ACSM2A: variants seen among roughly 807,000 people sequenced by gnomAD.
The protein encoded by ACSM2A is acyl-coenzyme A synthetase ACSM2A, mitochondrial.
Under a neutral mutation model 76.6 loss-of-function variants are expected in ACSM2A, and 72 were observed. The observed-to-expected ratio is 0.94, with a 90% CI of 0.78 to 1.14. The LOEUF (loss-of-function observed/expected upper bound fraction) is 1.14. Among genes scored for constraint, ACSM2A ranks in the 50% most tolerant of loss-of-function variants. ACSM2A has a pLI of 0.00. For missense variants in ACSM2A, 684 were observed against 708.5 expected, an observed-to-expected ratio of 0.97 and a Z score of 0.39; for synonymous variants, 249 against 255.9, an observed-to-expected ratio of 0.97 and a Z score of 0.26.
In ACSM2A at chr16:20,458,933, CATATAT is replaced by C. The variant is rs1213129201; in HGVS notation, c.-8-1166_-8-1161del. Among the ~76,000 whole-genome samples, 11 of 34,210 alleles carry C rather than the reference CATATAT, an allele frequency of 3.2e-4. No homozygotes were observed. The East Asian group carries it at 0.022, about 70-fold the overall frequency. The allele number at this position is 34,210 out of a possible 152,430, so 22.4% of individuals were successfully genotyped here. On this transcript the variant is annotated intron_variant, in intron 1 of 13. Transcript: ENST00000573854. ...ATATATATATATATATATATATATA[CATATAT>C]ATATATAATGAAATACTACTCAGCC... is the stretch of plus-strand genomic sequence containing the variant.
intron 12 of ACSM2A, 198 bp downstream of exon 12, chr16:20,481,119 G>C (rs1254725405): frequency 1.1e-5 from 7 of 653,858 alleles, no homozygotes; most frequent in East Asian, 2.8e-5. Flanking sequence ...ATGAGGGATT[G>C]TTATGAGGGT....
At chr16:20,459,407 T>C (rs2012465320) in intron 1 of ACSM2A, among the ~76,000 whole-genome samples, 1 of 152,220 alleles carries the variant, frequency 6.6e-6, no homozygotes, top group Non-Finnish European at 1.5e-5. Flanking sequence ...GCTACTTGTA[T>C]TAGTTAGCAT....
Position 20,478,500 on chromosome 16 carries a change from A to G in ACSM2A, c.1180-76A>G, listed in dbSNP as rs560014017. The G allele has an allele frequency of 7.8e-6, 12 of 1,538,302 alleles. No individual in the cohort carries two copies. In the African/African-American group the frequency reaches 1.5e-4, roughly 19 times the overall value. On this transcript the variant is annotated intron_variant, in intron 9 of 13. Transcript: ENST00000573854. ...AGCAAGAGGGTCTTTCATTTGACCA[A>G]TTCAGCAATCTCATGATGCCATTGA... is the stretch of plus-strand genomic sequence containing the variant.
At chr16:20,457,760 C>T (rs1461741076) in intron 1 of ACSM2A, among the ~76,000 whole-genome samples, 5 of 152,134 alleles carry the variant, frequency 3.3e-5, no homozygotes, top group Middle Eastern at 3.4e-3. Context: ...TAGAACAAGA[C>T]ATGAATGCTT....
At chr16:20,481,084 G>A in intron 12 of ACSM2A, 163 bp downstream of exon 12, 1 of 828,864 alleles carries the variant, frequency 1.2e-6, no homozygotes, top group South Asian at 1.8e-5. Flanking sequence ...TGGCCTCTCT[G>A]TTTCTCAGTT....
chr16:20,473,222 G>T (rs925796179), intron 6 of ACSM2A, among the ~76,000 whole-genome samples: 47 of 152,030 alleles, frequency 3.1e-4, no homozygotes, highest in African/African-American at 1.0e-3. Context: ...GGTGTGATCT[G>T]GATTTTCATA....
chr16:20,480,927 G>C lies in ACSM2A; in HGVS notation c.1509+6G>C. 1 of 1,613,854 alleles carries C rather than the reference G, an allele frequency of 6.2e-7. No individual in the cohort carries two copies. The highest frequency in any genetic ancestry group is 8.5e-7 in the Non-Finnish European group (1 of 1,179,852). On this transcript the variant is annotated splice_donor_region_variant and intron_variant, in intron 12 of 13. Coordinates refer to ENST00000573854, the MANE Select transcript of ACSM2A (RefSeq NM_001308172.2). ...CAGACCCCGTCCGAGGAGAGGTGAT[G>C]GGGAAGCAGTAGCCTGGGGGTGAAC...
At chr16:20,480,015 C>G (rs1479181462) in intron 10 of ACSM2A, among the ~76,000 whole-genome samples, 2 of 152,180 alleles carry the variant, frequency 1.3e-5, no homozygotes, top group Non-Finnish European at 2.9e-5. Flanking sequence ...GCCCCTATAC[C>G]TGAGTCAGAT....
intron 5 of ACSM2A, 41 bp from the exon 6 acceptor site, chr16:20,471,495 G>A: frequency 1.9e-6 from 3 of 1,583,538 alleles, no homozygotes; most frequent in Non-Finnish European, 1.7e-6. Context: ...TCCTAAGCAT[G>A]CACCCACCTA....
rs2011741452 is a variant in ACSM2A at position 20,451,559 on chromosome 16, T to A, written c.-131T>A. The A allele has an allele frequency of 6.6e-6, 1 of 151,900 alleles. No homozygotes were observed. Among genetic ancestry groups the A allele is most frequent in the Non-Finnish European group, 1.5e-5 (1 of 67,956 alleles). 9.4% of individuals were successfully genotyped at this position (151,900 alleles called of 1,614,324 possible). ...GCTCTCTTTCTGACAGTGCAGGGAT[T>A]CTGAAGCTGTCTGCTTGAGTTACTG... On this transcript the variant is annotated 5_prime_UTR_variant, in exon 1 of 14. Transcript: ENST00000573854.
At chr16:20,470,759 C>T (rs2013338644) in intron 4 of ACSM2A, 2 of 535,834 alleles carry the variant, frequency 3.7e-6, no homozygotes, top group South Asian at 3.1e-5. Flanking sequence ...AAGCAATTTG[C>T]TCATTTCTTT....
At chr16:20,473,023 G>A (rs1052683760) in intron 6 of ACSM2A, among the ~76,000 whole-genome samples, 1 of 152,110 alleles carries the variant, frequency 6.6e-6, no homozygotes, top group Non-Finnish European at 1.5e-5. Flanking sequence ...TTATCCTGTA[G>A]CAACAAAGCA....
intron 3 of ACSM2A, among the ~76,000 whole-genome samples, chr16:20,468,321 T>C (rs1489637582): frequency 6.6e-6 from 1 of 152,214 alleles, no homozygotes; most frequent in Non-Finnish European, 1.5e-5. Flanking sequence ...GCATGTGGTT[T>C]AAGCTTCACA....
At chr16:20,485,534 A>G (rs894900266) in intron 13 of ACSM2A, among the ~76,000 whole-genome samples, 1 of 152,132 alleles carries the variant, frequency 6.6e-6, no homozygotes, top group Admixed American at 6.5e-5. Context: ...TGTTGCAACT[A>G]CTCAACTTTG....
chr16:20,470,522 G>A (rs779756432), intron 4 of ACSM2A, among the ~76,000 whole-genome samples: 3 of 152,114 alleles, frequency 2.0e-5, no homozygotes, highest in Non-Finnish European at 2.9e-5. Context: ...CTAATGCCAT[G>A]GTCTTTAAGG....
rs116336487 is a variant in ACSM2A at position 20,471,778 on chromosome 16, A to G, written c.894+89A>G. ...TATTGTAGTTTGTTTCAATTCATCT[A>G]ATTTTTGCTAAACCCCTGCCATGTG... On this transcript the variant is annotated intron_variant, in intron 6 of 13. Transcript: ENST00000573854. 2.8e-3 allele frequency: 4,291 copies of G among 1,541,476 alleles called. 114 individuals are homozygous for G. The African/African-American group carries it at 0.049, about 17-fold the overall frequency.
chr16:20,475,804 G>T (rs562548761), intron 8 of ACSM2A, 31 bp downstream of exon 8: 1 of 1,607,128 alleles, frequency 6.2e-7, no homozygotes, highest in South Asian at 1.1e-5. Context: ...CATGGGCTGT[G>T]TGCACTTTTT....
chr16:20,485,334 C>A (rs921916455), intron 13 of ACSM2A, among the ~76,000 whole-genome samples: 1 of 152,164 alleles, frequency 6.6e-6, no homozygotes, highest in Admixed American at 6.5e-5. Context: ...CTAGAATTCT[C>A]AAGGCAGCGG....
intron 1 of ACSM2A, among the ~76,000 whole-genome samples, chr16:20,457,123 C>G (rs567353020): frequency 1.3e-5 from 2 of 151,980 alleles, no homozygotes; most frequent in East Asian, 3.9e-4. Context: ...AAAGCCTGAA[C>G]AGACCAATAA....
Sources: allele counts gnomAD v4.1 joint callset (sites outside exome capture counted in the v4.1 genomes callset), GRCh38; gene constraint gnomAD v4.1.1; transcripts MANE v1.5; gene names NCBI Gene and HGNC (gene_info 2026-07-23, HGNC 2026-07-21).